Variants in HTR4 observed in about 807,000 individuals in gnomAD.
HTR4 encodes the protein 5-hydroxytryptamine receptor 4, also known as 5-hydroxytryptamine (serotonin) receptor 4, G protein-coupled.
A neutral mutation model predicts 36.8 loss-of-function variants in HTR4; 16 were observed. The observed-to-expected ratio is 0.43, with a 90% CI of 0.29 to 0.66. The LOEUF is 0.66. HTR4 is among the 30% of genes least tolerant of loss of function. The probability of loss-of-function intolerance (pLI) is 0.13; values close to 1 mark genes in which losing one functional copy is unlikely to be tolerated. For synonymous variants in HTR4, 189 were observed against 185.1 expected, an observed-to-expected ratio of 1.02 and a Z score of -0.17; for missense variants, 438 against 490.9, an observed-to-expected ratio of 0.89 and a Z score of 1.02.
intron 2 of HTR4, among the ~76,000 whole-genome samples, chr5:148,618,409 C>T (rs1002065575): frequency 2.6e-5 from 4 of 152,214 alleles, no homozygotes; most frequent in African/African-American, 4.8e-5. Context: ...AGCTTATGGA[C>T]CGTATCAACC....
intron 2 of HTR4, among the ~76,000 whole-genome samples, chr5:148,627,666 C>T (rs1753169358): frequency 6.6e-6 from 1 of 152,174 alleles, no homozygotes; most frequent in Non-Finnish European, 1.5e-5. Context: ...AAAAAAGATT[C>T]TTCTTACATT....
At chr5:148,455,807 C>T (rs1253048516) in intron 5 of HTR4, among the ~76,000 whole-genome samples, 3 of 152,012 alleles carry the variant, frequency 2.0e-5, no homozygotes, top group Non-Finnish European at 2.9e-5. Context: ...AAGTAAGCTA[C>T]AGAAAATGTT....
intron 6 of HTR4, among the ~76,000 whole-genome samples, chr5:148,489,604 G>C (rs1033689484): frequency 1.3e-5 from 2 of 152,182 alleles, no homozygotes; most frequent in Non-Finnish European, 2.9e-5. Flanking sequence ...GAGTAGTCTT[G>C]TGCCAGGCTG....
chr5:148,645,904 A>G (rs1833706), intron 1 of HTR4: 61,386 of 152,118 alleles, frequency 0.4, 12,615 homozygotes, highest in East Asian at 0.57. Context: ...GCCTCTGAAG[A>G]CTGAGCCTGA....
chr5:148,573,532 G>A (rs1207724298), intron 2 of HTR4, among the ~76,000 whole-genome samples: 1 of 151,992 alleles, frequency 6.6e-6, no homozygotes, highest in African/African-American at 2.4e-5. Context: ...ATAATGAAAT[G>A]TTCCAGCCTG....
chr5:148,573,311 G>C (rs1760754509), intron 2 of HTR4, among the ~76,000 whole-genome samples: 1 of 152,010 alleles, frequency 6.6e-6, no homozygotes, highest in South Asian at 2.1e-4. Context: ...TATACTCTGG[G>C]AACAAAGAAC....
chr5:148,611,292 T>C (rs1410752629), intron 2 of HTR4, among the ~76,000 whole-genome samples: 6 of 152,014 alleles, frequency 3.9e-5, no homozygotes, highest in East Asian at 1.9e-4. Flanking sequence ...GTCGGGTTAC[T>C]CTCAAAGGGA....
At position 148,586,197 on chromosome 5, in the gene HTR4, C is replaced by T. The variant is rs530301365; in HGVS notation, c.27-35935G>A. On this transcript the variant is annotated intron_variant, in intron 2 of 6. Coordinates refer to ENST00000377888, the MANE Select transcript of HTR4 (RefSeq NM_000870.7). ...CTGCATTCCAGAGGCCAGAACAATG[C>T]CTGCAACCAGAGCTGGTACCCAATA... Among the ~76,000 whole-genome samples, 44 of 152,202 alleles carry T rather than the reference C, an allele frequency of 2.9e-4. 1 individual carries two copies. Among genetic ancestry groups the T allele is most frequent in the Admixed American group, 4.6e-4 (7 of 15,280 alleles).
rs115007134 is a variant in HTR4 at position 148,587,746 on chromosome 5, C to G, written c.27-37484G>C. Among the ~76,000 whole-genome samples, 1,012 of 152,194 alleles carry G rather than the reference C, an allele frequency of 6.6e-3. 12 individuals are homozygous for G. Among genetic ancestry groups the G allele is most frequent in the African/African-American group, 0.023 (967 of 41,518 alleles). The stretch of plus-strand genomic sequence containing the variant: ...AGAGAATGGTGTTACTTTGGGGAAG[C>G]CTTTGCAGAAACAAGACAGTCTGGA... On this transcript the variant is annotated intron_variant, in intron 2 of 6. Coordinates refer to ENST00000377888, the MANE Select transcript of HTR4 (RefSeq NM_000870.7).
At chr5:148,533,847 G>C (rs945734335) in intron 4 of HTR4, among the ~76,000 whole-genome samples, 1 of 152,074 alleles carries the variant, frequency 6.6e-6, no homozygotes. Flanking sequence ...AACATAGGAA[G>C]TTCTTGGCAC....
At chr5:148,609,969 A>C (rs1170684524) in intron 2 of HTR4, among the ~76,000 whole-genome samples, 1 of 152,212 alleles carries the variant, frequency 6.6e-6, no homozygotes, top group Admixed American at 6.5e-5. Flanking sequence ...AGAGAAGAAT[A>C]AATTAATGGA....
chr5:148,549,790 T>A (rs1759590657), intron 3 of HTR4, among the ~76,000 whole-genome samples: 1 of 152,208 alleles, frequency 6.6e-6, no homozygotes, highest in Non-Finnish European at 1.5e-5. Context: ...CAGGTTTAAT[T>A]TCTAGATCTG....
intron 5 of HTR4, among the ~76,000 whole-genome samples, chr5:148,512,547 A>C (rs569601134): frequency 6.6e-6 from 1 of 152,270 alleles, no homozygotes; most frequent in Non-Finnish European, 1.5e-5. Flanking sequence ...TTTTCACTCT[A>C]GTATCTTGTG....
At position 148,510,040 on chromosome 5, in the gene HTR4, A is replaced by C; in HGVS notation, c.508-16T>G. 6.4e-7 allele frequency: 1 copy of C among 1,564,624 alleles called. No individual in the cohort carries two copies. The highest frequency in any genetic ancestry group is 8.8e-7 in the Non-Finnish European group (1 of 1,142,546). ...TCTTTTCTATCTGAGAGTTGGAGGG[A>C]GAGAGGAAATGAGGAAAGGAGGTAA... On this transcript the variant is annotated splice_polypyrimidine_tract_variant and intron_variant, in intron 5 of 6. Coordinates refer to ENST00000377888, the MANE Select transcript of HTR4 (RefSeq NM_000870.7).
intron 1 of HTR4, among the ~76,000 whole-genome samples, chr5:148,637,458 A>T (rs532030297): frequency 5.4e-5 from 8 of 148,878 alleles, no homozygotes; most frequent in East Asian, 1.9e-4. Context: ...TGAGGATTTT[A>T]AAAAAATGTT....
intron 2 of HTR4, among the ~76,000 whole-genome samples, chr5:148,580,592 AG>A (rs1465983729): frequency 6.6e-6 from 1 of 152,116 alleles, no homozygotes; most frequent in Non-Finnish European, 1.5e-5. Flanking sequence ...TGACTGTTTT[AG>A]ATGCCTCATT....
At chr5:148,612,890 T>G (rs1177703836) in intron 2 of HTR4, among the ~76,000 whole-genome samples, 1 of 149,460 alleles carries the variant, frequency 6.7e-6, no homozygotes, top group Admixed American at 6.7e-5. Context: ...CATCAGAGAA[T>G]ACTACAAACA....
In HTR4 at chr5:148,600,992, A is replaced by AAC. The variant is rs1761970939; in HGVS notation, c.26+35996_26+35997insGT. Among the ~76,000 whole-genome samples the AAC allele has an allele frequency of 2.0e-5, 3 of 148,748 alleles. 1 individual carries two copies. Among genetic ancestry groups the AAC allele is most frequent in the East Asian group, 1.9e-4 (1 of 5,150 alleles). On this transcript the variant is annotated intron_variant, in intron 2 of 6. Transcript: ENST00000377888. ...ACTCAATAGCAAAAAAAAAAAAAAA[A>AAC]AAAAAAAAAAACAAATAATGCAATT...
At chr5:148,453,477 C>A (rs1755021714) in intron 5 of HTR4, among the ~76,000 whole-genome samples, 1 of 152,154 alleles carries the variant, frequency 6.6e-6, no homozygotes, top group South Asian at 2.1e-4. Context: ...TGTCTCCTGA[C>A]TGAGCCCTGT....
Sources: allele counts gnomAD v4.1 joint callset (sites outside exome capture counted in the v4.1 genomes callset), GRCh38; gene constraint gnomAD v4.1.1; transcripts MANE v1.5; gene names NCBI Gene and HGNC (gene_info 2026-07-23, HGNC 2026-07-21).